The following FCN1 variants were observed in gnomAD, a reference collection of about 807,000 sequenced individuals.
FCN1 encodes the protein ficolin 1.
In FCN1, 42 loss-of-function variants were observed where a neutral mutation model predicts 35.6. The ratio of observed to expected loss-of-function variants is 1.18; its 90% confidence interval spans 0.92 to 1.53. FCN1 has a LOEUF of 1.53. Among genes scored for constraint, FCN1 ranks in the 40% most tolerant of loss-of-function variants. The pLI, the probability that FCN1 is intolerant of heterozygous loss-of-function variation, is 0.00. For missense variants in FCN1, 439 were observed against 428.4 expected, an observed-to-expected ratio of 1.02 and a Z score of -0.22; for synonymous variants, 179 against 169.8, an observed-to-expected ratio of 1.05 and a Z score of -0.42.
intron 8 of FCN1, among the ~76,000 whole-genome samples, chr9:134,910,527 G>A (rs530997235): frequency 1.3e-5 from 2 of 152,258 alleles, no homozygotes; most frequent in South Asian, 4.1e-4. Context: ...CTGCAAAATG[G>A]GGGTGACCTT....
rs1427153490 is a variant in FCN1, at chr9:134,907,468, T to C, written c.*2330A>G. The C allele has an allele frequency of 4.6e-5, 7 of 152,240 alleles. No homozygotes were observed. Among genetic ancestry groups the C allele is most frequent in the Admixed American group, 4.6e-4 (7 of 15,288 alleles). The allele number at this position is 152,240 out of a possible 1,614,324, so 9.4% of individuals were successfully genotyped here. The stretch of plus-strand genomic sequence containing the variant: ...TGTATAAAGCAAAAGTACAGCTTAA[T>C]TATTTTCATCACTAGTTAACAAACA... On this transcript the variant is annotated 3_prime_UTR_variant, in exon 9 of 9. Transcript: ENST00000371806.
chr9:134,909,486 C>T lies in FCN1; in HGVS notation c.*312G>A, dbSNP rs1173475774. 3.6e-5 allele frequency: 48 copies of T among 1,321,536 alleles called. No individual in the cohort carries two copies. The highest frequency in any genetic ancestry group is 3.0e-5 in the African/African-American group (2 of 67,206). 81.9% of individuals were successfully genotyped at this position (1,321,536 alleles called of 1,614,324 possible). A position where few individuals can be genotyped will look rare whatever the true frequency, so the allele number is the denominator to read the frequency against. On this transcript the variant is annotated 3_prime_UTR_variant, in exon 9 of 9. Transcript: ENST00000371806. ...GCTAAATAAGGGTCCTGACTCTTCC[C>T]GACTTACCAAATTCCAGGGAAAGAC...
intron 4 of FCN1, 68 bp from the exon 5 acceptor site, chr9:134,913,681 G>A (rs1323955132): frequency 2.4e-6 from 3 of 1,273,522 alleles, no homozygotes; most frequent in Non-Finnish European, 3.3e-6. Context: ...CAGCCCCAGT[G>A]GCTCCCTGAG....
chr9:134,912,378 G>T (rs1831033773), intron 7 of FCN1, 108 bp downstream of exon 7: 3 of 1,187,058 alleles, frequency 2.5e-6, no homozygotes, highest in Non-Finnish European at 2.3e-6. Context: ...TGTGCTCAGG[G>T]CCCAATCCCC....
chr9:134,914,641 G>A (rs2989722), intron 3 of FCN1, 115 bp downstream of exon 3: 540,922 of 923,456 alleles, frequency 0.59, 162,056 homozygotes, highest in Non-Finnish European at 0.63. Context: ...CTCTGTTGCC[G>A]TGTCTCTCTG....
Position 134,903,608 on chromosome 9 carries a change from T to C in FCN1, c.*6190A>G, listed in dbSNP as rs139665507. Among the ~76,000 whole-genome samples the C allele has an allele frequency of 6.6e-6, 1 of 152,142 alleles. No homozygotes were observed. Among genetic ancestry groups the C allele is most frequent in the Admixed American group, 6.5e-5 (1 of 15,272 alleles). Reference sequence around the variant, plus strand: ...TAAATTATACCTCAAAAAATCTGACTTAAAAAAAAATCCTCTCTGCCTTCC... The same window carrying C: ...TAAATTATACCTCAAAAAATCTGACCTAAAAAAAAATCCTCTCTGCCTTCC... On this transcript the variant is annotated 3_prime_UTR_variant, in exon 9 of 9. Transcript: ENST00000371806.
rs749095681 is a variant in FCN1 at position 134,904,740 on chromosome 9, G to A, written c.*5058C>T. On this transcript the variant is annotated 3_prime_UTR_variant, in exon 9 of 9. Coordinates refer to ENST00000371806, the MANE Select transcript of FCN1 (RefSeq NM_002003.5). ...GGTTGCAGTGAGCTAAGGTCATACC[G>A]CTGCACTCCAGCCTGGGGGACAGAG... Among the ~76,000 whole-genome samples, 6 of 152,012 alleles carry A rather than the reference G, an allele frequency of 3.9e-5. No individual in the cohort carries two copies. The highest frequency in any genetic ancestry group is 7.4e-5 in the Non-Finnish European group (5 of 68,018).
At position 134,914,438 on chromosome 9, in the gene FCN1, A is replaced by C. The variant is rs1211006140; in HGVS notation, c.272-18T>G. 3.1e-6 allele frequency: 5 copies of C among 1,613,456 alleles called. No homozygotes were observed. In the African/African-American group the frequency reaches 6.7e-5, roughly 22 times the overall value. On this transcript the variant is annotated intron_variant, in intron 3 of 8. Coordinates refer to ENST00000371806, the MANE Select transcript of FCN1 (RefSeq NM_002003.5). ...TCGGTCTCCTGGAGGAAGAGGCAGGATAATGAGCTTTTGACCCCAGATGTG... is the reference window on the plus strand; with the variant it reads ...TCGGTCTCCTGGAGGAAGAGGCAGGCTAATGAGCTTTTGACCCCAGATGTG...
rs1455197944 is a variant in FCN1, at chr9:134,912,373, T to C, written c.598+113A>G. 3.5e-6 allele frequency: 4 copies of C among 1,127,344 alleles called. No homozygotes were observed. In the Admixed American group the frequency reaches 1.1e-4, roughly 30 times the overall value. The allele number at this position is 1,127,344 out of a possible 1,614,324, so 69.8% of individuals were successfully genotyped here. On this transcript the variant is annotated intron_variant, in intron 7 of 8. Transcript: ENST00000371806. ...AGGTCCCAGTGCCACCTGAGTGTGC[T>C]CAGGGCCCAATCCCCTGTGGGCCAA... is the stretch of plus-strand genomic sequence containing the variant.
At chr9:134,911,342 ATTT>A (rs34307683) in intron 7 of FCN1, 75 bp from the exon 8 acceptor site, 6,542 of 913,662 alleles carry the variant, frequency 7.2e-3, no homozygotes, top group East Asian at 0.01. Flanking sequence ...GGGATGGGTA[ATTT>A]TTTTTTTTTT....
chr9:134,912,312 G>A (rs1365428968), intron 7 of FCN1, among the ~76,000 whole-genome samples, 174 bp downstream of exon 7: 1 of 152,218 alleles, frequency 6.6e-6, no homozygotes. Context: ...CCTTCCCGAT[G>A]TTGCCAGAGC....
Position 134,908,931 on chromosome 9 carries a change from G to T in FCN1, c.*867C>A, listed in dbSNP as rs1461356481. 7.7e-6 allele frequency: 2 copies of T among 260,352 alleles called. No individual in the cohort carries two copies. The highest frequency in any genetic ancestry group is 8.3e-5 in the South Asian group (2 of 24,154). The allele number at this position is 260,352 out of a possible 1,614,324, so 16.1% of individuals were successfully genotyped here. The stretch of plus-strand genomic sequence containing the variant: ...TCCTTTGGTTCCCTTAGTGTCCTTC[G>T]GTAAGTGGGAGCTCTTGATTTGAAT... On this transcript the variant is annotated 3_prime_UTR_variant, in exon 9 of 9. Coordinates refer to ENST00000371806, the MANE Select transcript of FCN1 (RefSeq NM_002003.5).
In FCN1 at chr9:134,909,209, C is replaced by G. The variant is rs778170722; in HGVS notation, c.*589G>C. The G allele has an allele frequency of 1.7e-5, 22 of 1,289,616 alleles. No individual in the cohort carries two copies. In the South Asian group the frequency reaches 2.5e-4, roughly 14 times the overall value. 79.9% of individuals were successfully genotyped at this position (1,289,616 alleles called of 1,614,324 possible). A position where few individuals can be genotyped will look rare whatever the true frequency, so the allele number is the denominator to read the frequency against. On this transcript the variant is annotated 3_prime_UTR_variant, in exon 9 of 9. Transcript: ENST00000371806. ...CTAAGTGTTTATCTCTTCCCAGCAG[C>G]CAGCCAGCCCAAAGCATGAACTCTG...
In FCN1 at chr9:134,909,909, A is replaced by T. The variant is rs747878485; in HGVS notation, c.870T>A (p.Gly290=). 4 of 1,613,824 alleles carry T rather than the reference A, an allele frequency of 2.5e-6. No individual in the cohort carries two copies. The highest frequency in any genetic ancestry group is 1.3e-5 in the African/African-American group (1 of 74,824). ...TCTCATGGGGTCCCATGAGGTAGAG[A>T]CCATTGAGGTTTGAAGCATGACAGT... ...YADCHASNLN[G]LYLMGPHESY... is the part of the protein sequence containing the mutation. Residue 290 remains glycine, a synonymous_variant, in exon 9 of 9, where the codon GGT becomes GGA. Transcript: ENST00000371806.
Position 134,908,640 on chromosome 9 carries a change from G to A in FCN1, c.*1158C>T, listed in dbSNP as rs1830983344. 1 of 154,274 alleles carries A rather than the reference G, an allele frequency of 6.5e-6. No homozygotes were observed. Among genetic ancestry groups the A allele is most frequent in the Admixed American group, 6.5e-5 (1 of 15,404 alleles). The allele number at this position is 154,274 out of a possible 1,614,324, so 9.6% of individuals were successfully genotyped here. A position where few individuals can be genotyped will look rare whatever the true frequency, so the allele number is the denominator to read the frequency against. On this transcript the variant is annotated 3_prime_UTR_variant, in exon 9 of 9. Coordinates refer to ENST00000371806, the MANE Select transcript of FCN1 (RefSeq NM_002003.5). ...ATGTGGTGCTGCTGGCTTTGGGGTT[G>A]GGGGAAGGAGTCCGGGCCAATGAAT...
Position 134,908,806 on chromosome 9 carries a change from T to A in FCN1, c.*992A>T. On this transcript the variant is annotated 3_prime_UTR_variant, in exon 9 of 9. Transcript: ENST00000371806. Reference sequence around the variant, plus strand: ...ATCTACTGAGCCAGGAGGTGGCGAGTTCTTGTTGTTTCAAGCCACTCCATT... The same window carrying A: ...ATCTACTGAGCCAGGAGGTGGCGAGATCTTGTTGTTTCAAGCCACTCCATT... 2.2e-5 allele frequency: 4 copies of A among 180,436 alleles called. No individual in the cohort carries two copies. Among genetic ancestry groups the A allele is most frequent in the Admixed American group, 5.6e-5 (1 of 17,932 alleles). The allele number at this position is 180,436 out of a possible 1,614,324, so 11.2% of individuals were successfully genotyped here.
rs764414692 is a variant in FCN1, at chr9:134,912,501, C to A, written c.583G>T (p.Ala195Ser). 2 of 1,613,854 alleles carry A rather than the reference C, an allele frequency of 1.2e-6. No individual in the cohort carries two copies. The highest frequency in any genetic ancestry group is 1.7e-5 in the Admixed American group (1 of 59,992). The change falls in exon 7 of 9, where the codon GCC (alanine) becomes TCC (serine). Residue 195 changes from alanine (A) to serine (S), a missense_variant. By Grantham distance (99) the Ala-to-Ser change is moderately conservative (BLOSUM62 1). Transcript: ENST00000371806. ...EFWLGNDNIHALTAQGSSELR... is the reference protein window; with the variant it reads ...EFWLGNDNIHSLTAQGSSELR... ...GTGGCCCTACCCTGGGCAGTCAGGG[C>A]GTGGATGTTGTCATTCCCCAGCCAG... is the stretch of plus-strand genomic sequence containing the variant.
Position 134,909,885 on chromosome 9 carries a change from C to T in FCN1, c.894G>A (p.Glu298=). The change falls in exon 9 of 9, where the codon GAG becomes GAA. Residue 298 remains glutamate, a synonymous_variant. Transcript: ENST00000371806. ...LNGLYLMGPH[E]SYANGINWSA... ...TCCAGTTGATACCATTGGCATAGCT[C>T]TCATGGGGTCCCATGAGGTAGAGAC... 1 of 1,614,158 alleles carries T rather than the reference C, an allele frequency of 6.2e-7. No individual in the cohort carries two copies. The highest frequency in any genetic ancestry group is 1.1e-5 in the South Asian group (1 of 91,078).
At position 134,913,561 on chromosome 9, in the gene FCN1, G is replaced by A; in HGVS notation, c.340+20C>T. ...GTGGGGGCAAGGCTTGGGTACCGAG[G>A]TCAGGGTGTGATCAGTCACCTGTCG... On this transcript the variant is annotated intron_variant, in intron 5 of 8. Transcript: ENST00000371806. 1 of 1,600,884 alleles carries A rather than the reference G, an allele frequency of 6.2e-7. No homozygotes were observed. Among genetic ancestry groups the A allele is most frequent in the South Asian group, 1.1e-5 (1 of 89,604 alleles).
Sources: gnomAD v4.1 joint callset for allele counts (sites outside exome capture counted in the v4.1 genomes callset) on GRCh38, gnomAD v4.1.1 for gene constraint, MANE v1.5 for transcripts, NCBI Gene and HGNC (gene_info 2026-07-23, HGNC 2026-07-21) for gene names.